The following CUX1 variants were observed in gnomAD, a reference collection of about 807,000 sequenced individuals.
The protein encoded by CUX1 is cut like homeobox 1.
CUX1 carries 31 observed loss-of-function variants against 158.8 expected under a neutral mutation model. That is an observed-to-expected ratio of 0.20 (90% CI 0.15 to 0.26). The LOEUF is 0.26. Among genes scored for constraint, CUX1 ranks in the 10% least tolerant of loss-of-function variants. The pLI is 1.00. For synonymous variants in CUX1, 879 were observed against 862.1 expected (o/e 1.02, Z -0.34); for missense variants, 1,589 against 2,014.6 (o/e 0.79, Z 4.04).
chr7:102,094,047 T>G (rs201441), intron 4 of CUX1, among the ~76,000 whole-genome samples: 92,206 of 152,090 alleles, frequency 0.61, 29,828 homozygotes, highest in African/African-American at 0.79. Context: ...AAAAAGCTAT[T>G]ATTTCCGTAG....
rs1184028773 is a variant in CUX1 at position 102,210,216 on chromosome 7, C to T, written c.3130+5046C>T. Among the ~76,000 whole-genome samples, 8 of 152,296 alleles carry T rather than the reference C, an allele frequency of 5.3e-5. No homozygotes were observed. In the East Asian group the frequency reaches 1.5e-3, roughly 29 times the overall value. ...GGTTCAAGTAATTCTCCTTCCTCAG[C>T]CTCCCAAGTAGCTGGGATTACAGGT... On this transcript the variant is annotated intron_variant, in intron 20 of 23. Coordinates refer to ENST00000292535, the MANE Select transcript of CUX1 (RefSeq NM_181552.4).
intron 5 of CUX1, 52 bp downstream of exon 5, chr7:102,097,553 CT>C: frequency 6.6e-7 from 1 of 1,522,570 alleles, no homozygotes; most frequent in Non-Finnish European, 8.8e-7. Flanking sequence ...TTTTTCTCTT[CT>C]TTTTATTTTA....
chr7:101,899,115 A>C (rs58898252), intron 1 of CUX1, among the ~76,000 whole-genome samples: 1 of 152,196 alleles, frequency 6.6e-6, no homozygotes, highest in African/African-American at 2.4e-5. Context: ...CTGCATGGGC[A>C]GTGTTCTGGG....
intron 3 of CUX1, among the ~76,000 whole-genome samples, chr7:102,067,647 T>G (rs949329144): frequency 6.6e-6 from 1 of 152,074 alleles, no homozygotes; most frequent in Non-Finnish European, 1.5e-5. Context: ...AAATTTTTTT[T>G]CTATATTTTT....
At position 101,839,212 on chromosome 7, in the gene CUX1, G is replaced by A. The variant is rs141556975; in HGVS notation, c.30+21543G>A. Among the ~76,000 whole-genome samples, 6 of 152,258 alleles carry A rather than the reference G, an allele frequency of 3.9e-5. No individual in the cohort carries two copies. The East Asian group carries it at 1.2e-3, about 29-fold the overall frequency. ...TCAATGTATGAATTTGAGGGGGGTG[G>A]ACAACACAGTTCAGTCCGTAGCAGC... On this transcript the variant is annotated intron_variant, in intron 1 of 23. Coordinates refer to ENST00000292535, the MANE Select transcript of CUX1 (RefSeq NM_181552.4).
chr7:101,984,109 TATATATATATATATATATATACACAC>T (rs1813907710), intron 2 of CUX1, among the ~76,000 whole-genome samples: 2 of 39,944 alleles, frequency 5.0e-5, no homozygotes, highest in South Asian at 9.0e-4. Flanking sequence ...TATATATATA[TATATATATATATATATATATACACAC>T]ACACATATAT....
intron 1 of CUX1, chr7:101,822,401 T>C (rs1407750689): frequency 6.6e-6 from 1 of 152,232 alleles, no homozygotes; most frequent in African/African-American, 2.4e-5. Context: ...TCTGAGAAGG[T>C]TGATGGAGGA....
At chr7:101,932,742 C>T in intron 2 of CUX1, 1 of 375,184 alleles carries the variant, frequency 2.7e-6, no homozygotes, top group Non-Finnish European at 5.5e-6. Flanking sequence ...TGCTTTGCCG[C>T]CATCAAGAAA....
intron 3 of CUX1, among the ~76,000 whole-genome samples, chr7:102,051,083 C>T (rs766031340): frequency 2.0e-5 from 3 of 152,124 alleles, no homozygotes; most frequent in Non-Finnish European, 4.4e-5. Flanking sequence ...TTGCACCTCC[C>T]TCCACAGGCT....
intron 6 of CUX1, 125 bp from the exon 7 acceptor site, chr7:102,111,573 G>C: frequency 1.2e-6 from 1 of 807,924 alleles, no homozygotes; most frequent in Non-Finnish European, 2.1e-6. Context: ...CGTTGCGGGC[G>C]ATACCCCGTG....
intron 21 of CUX1, among the ~76,000 whole-genome samples, chr7:102,230,498 T>TAA (rs555147841): frequency 7.8e-6 from 1 of 128,042 alleles, no homozygotes. Context: ...AAAAAAAAAT[T>TAA]AAAAAAAAAA....
At chr7:101,936,097 C>T (rs1199881669) in intron 2 of CUX1, among the ~76,000 whole-genome samples, 7 of 152,120 alleles carry the variant, frequency 4.6e-5, no homozygotes, top group Non-Finnish European at 8.8e-5. Context: ...CCTGCCCTCG[C>T]GGTGCTTACA....
chr7:102,178,682 G>T (rs1360299653), intron 11 of CUX1, 25 bp downstream of exon 11: 1 of 1,585,974 alleles, frequency 6.3e-7, no homozygotes, highest in Non-Finnish European at 8.6e-7. Context: ...GGGCCCGGGG[G>T]TGGCCCGAGG....
chr7:102,186,057 G>C (rs1554515189), intron 11 of CUX1, among the ~76,000 whole-genome samples: 2 of 152,220 alleles, frequency 1.3e-5, no homozygotes, highest in Non-Finnish European at 2.9e-5. Flanking sequence ...TGGCGTGCCT[G>C]TCGCCCGTCC....
chr7:102,047,708 A>G (rs1358431970), intron 3 of CUX1, among the ~76,000 whole-genome samples: 2 of 152,202 alleles, frequency 1.3e-5, no homozygotes, highest in Non-Finnish European at 2.9e-5. Flanking sequence ...TCAGTCATAC[A>G]GTATTTATTT....
chr7:101,909,173 G>A (rs1276751514), intron 1 of CUX1, among the ~76,000 whole-genome samples: 1 of 151,142 alleles, frequency 6.6e-6, no homozygotes, highest in Non-Finnish European at 1.5e-5. Flanking sequence ...CGAGGCGGGA[G>A]GATCTCTTGA....
intron 1 of CUX1, among the ~76,000 whole-genome samples, chr7:101,865,001 A>G (rs763728113): frequency 6.6e-6 from 1 of 152,352 alleles, no homozygotes; most frequent in Non-Finnish European, 1.5e-5. Flanking sequence ...TTCATGATGT[A>G]TATCTTTTTT....
Position 102,097,424 on chromosome 7 carries a change from A to G in CUX1, c.329A>G (p.Asp110Gly), listed in dbSNP as rs1554484627. Residue 110 changes from aspartate (D) to glycine (G), a missense_variant, in exon 5 of 24, where the codon GAT (aspartate) becomes GGT (glycine). This residue lies in a region of CUX1 where 515 missense variants were observed against 574.4 expected (regional missense o/e 0.90). Transcript: ENST00000292535. ...QLQLKVQRLH[D>G]IETENQKLRE... ...CAGCTCAAAGTGCAGCGCCTGCACGATATTGAAACAGAGAACCAGAAACTT... is the reference window on the plus strand; with the variant it reads ...CAGCTCAAAGTGCAGCGCCTGCACGGTATTGAAACAGAGAACCAGAAACTT... 1 of 1,613,782 alleles carries G rather than the reference A, an allele frequency of 6.2e-7. No individual in the cohort carries two copies. The highest frequency in any genetic ancestry group is 1.1e-5 in the South Asian group (1 of 90,942).
intron 1 of CUX1, among the ~76,000 whole-genome samples, chr7:101,888,341 GA>G (rs111312470): frequency 5.3e-5 from 8 of 151,300 alleles, no homozygotes; most frequent in Non-Finnish European, 7.4e-5. Context: ...CAAAAAAAAA[GA>G]AAAAAAAATT....
Sources: gnomAD v4.1 joint callset for allele counts (sites outside exome capture counted in the v4.1 genomes callset) on GRCh38, gnomAD v4.1.1 for gene constraint, gnomAD v4.1.1 regional missense constraint, MANE v1.5 for transcripts, NCBI Gene and HGNC (gene_info 2026-07-23, HGNC 2026-07-21) for gene names.